Variants in NKIRAS1 observed in about 807,000 individuals in gnomAD.
The protein encoded by NKIRAS1 is NF-kappa-B inhibitor-interacting Ras-like protein 1.
A neutral mutation model predicts 19.8 loss-of-function variants in NKIRAS1; 16 were observed. The ratio of observed to expected loss-of-function variants is 0.81; its 90% CI spans 0.55 to 1.23. NKIRAS1 has a LOEUF of 1.23. Ranked by LOEUF, NKIRAS1 falls within the 50% of genes most tolerant of loss-of-function variation. The pLI, the probability that NKIRAS1 is intolerant of heterozygous loss-of-function variation, is 0.00. For missense variants in NKIRAS1, 184 were observed against 220.0 expected (o/e 0.84, Z 1.04); for synonymous variants, 88 against 79.0 (o/e 1.11, Z -0.61).
At chr3:23,903,173 G>A (rs976506699) in intron 3 of NKIRAS1, among the ~76,000 whole-genome samples, 5 of 152,130 alleles carry the variant, frequency 3.3e-5, no homozygotes, top group African/African-American at 9.7e-5. Flanking sequence ...AAGTTCAGTG[G>A]GACAATCTCA....
chr3:23,940,122 T>C (rs777353952), intron 1 of NKIRAS1, among the ~76,000 whole-genome samples: 6 of 130,410 alleles, frequency 4.6e-5, no homozygotes, highest in Non-Finnish European at 7.7e-5. Flanking sequence ...CTTGAGGCCA[T>C]GAATTCAAGA....
chr3:23,934,852 A>C (rs1046638115), intron 1 of NKIRAS1, among the ~76,000 whole-genome samples: 1 of 102,064 alleles, frequency 9.8e-6, no homozygotes, highest in African/African-American at 3.2e-5. Flanking sequence ...AAACTTACAG[A>C]GAATATCAGA....
In NKIRAS1 at chr3:23,892,323, A is replaced by G. The variant is rs1333918594; in HGVS notation, c.*772T>C. The G allele has an allele frequency of 2.6e-5, 4 of 152,204 alleles. No individual in the cohort carries two copies. The highest frequency in any genetic ancestry group is 4.1e-4 in the South Asian group (2 of 4,830). 9.4% of individuals were successfully genotyped at this position (152,204 alleles called of 1,614,324 possible). A position where few individuals can be genotyped will look rare whatever the true frequency, so the allele number is the denominator to read the frequency against. On this transcript the variant is annotated 3_prime_UTR_variant, in exon 5 of 5. Coordinates refer to ENST00000425478, the MANE Select transcript of NKIRAS1 (RefSeq NM_020345.4). ...TTTTATTGTATATGACTAGTTTTCT[A>G]GAAAACTATTCCAGAAGATACAGTC...
exon 1 of NKIRAS1, chr3:23,946,342 A>T: frequency 1.0e-6 from 1 of 974,222 alleles, no homozygotes; most frequent in Non-Finnish European, 1.2e-6. Context: ...TCCGAGGAGG[A>T]AGTGCAGGAC....
upstream of NKIRAS1, chr3:23,920,656 A>G (rs944876562): frequency 4.9e-5 from 48 of 985,150 alleles, no homozygotes; most frequent in Non-Finnish European, 5.5e-5. Flanking sequence ...TTCTGAACCA[A>G]TTTTCTCCTA....
intron 1 of NKIRAS1, chr3:23,946,021 G>A (rs1435243130): frequency 3.8e-6 from 3 of 798,288 alleles, no homozygotes; most frequent in Non-Finnish European, 4.6e-6. Context: ...AGGGACACGT[G>A]GGGGCGGGGG....
At chr3:23,920,741 T>C (rs987958659), upstream of NKIRAS1, 32 of 979,356 alleles carry the variant, frequency 3.3e-5, no homozygotes, top group Non-Finnish European at 3.6e-5. Context: ...TAAAAGTTCT[T>C]GAGACCTAAA....
chr3:23,918,135 G>A, upstream of NKIRAS1: 1 of 1,402,998 alleles, frequency 7.1e-7, no homozygotes, highest in African/African-American at 1.4e-5. Context: ...TCTTCGCATA[G>A]GGCTTTGGCA....
At chr3:23,912,584 C>T (rs915441273) in intron 1 of NKIRAS1, among the ~76,000 whole-genome samples, 1 of 152,184 alleles carries the variant, frequency 6.6e-6, no homozygotes, top group South Asian at 2.1e-4. Context: ...CACTTTTACA[C>T]TGTTGGTGGG....
chr3:23,919,493 T>C, upstream of NKIRAS1: 1 of 1,566,816 alleles, frequency 6.4e-7, no homozygotes, highest in African/African-American at 1.4e-5. Context: ...GCTCCACCGT[T>C]ACCGCTAATA....
rs1701531966 is a variant in NKIRAS1, at chr3:23,892,350, T to G, written c.*745A>C. On this transcript the variant is annotated 3_prime_UTR_variant, in exon 5 of 5. Coordinates refer to ENST00000425478, the MANE Select transcript of NKIRAS1 (RefSeq NM_020345.4). ...AAAACTATTCCAGAAGATACAGTCT[T>G]CCTTCCAGAAAATACAGCTTTACTG... The G allele has an allele frequency of 6.6e-6, 1 of 152,182 alleles. No homozygotes were observed. Among genetic ancestry groups the G allele is most frequent in the Admixed American group, 6.5e-5 (1 of 15,272 alleles). 9.4% of individuals were successfully genotyped at this position (152,182 alleles called of 1,614,324 possible). A position where few individuals can be genotyped will look rare whatever the true frequency, so the allele number is the denominator to read the frequency against.
intron 4 of NKIRAS1, among the ~76,000 whole-genome samples, chr3:23,897,173 T>G (rs1178171464): frequency 6.6e-6 from 1 of 150,930 alleles, no homozygotes; most frequent in Non-Finnish European, 1.5e-5. Context: ...AGCTCTCAAG[T>G]CTGGGCAACA....
intron 1 of NKIRAS1, chr3:23,923,276 A>G (rs924524548): frequency 6.8e-6 from 1 of 147,954 alleles, no homozygotes; most frequent in South Asian, 2.1e-4. Context: ...GTTGGAGTAC[A>G]GTAACACAAT....
chr3:23,945,488 C>T (rs1310315093), intron 1 of NKIRAS1: 6 of 821,704 alleles, frequency 7.3e-6, no homozygotes, highest in Non-Finnish European at 7.6e-6. Flanking sequence ...CCGCTGCTTC[C>T]AGCCCGGGGC....
intron 1 of NKIRAS1, among the ~76,000 whole-genome samples, chr3:23,925,072 TG>T (rs1705188162): frequency 6.6e-6 from 1 of 152,202 alleles, no homozygotes; most frequent in African/African-American, 2.4e-5. Context: ...GGTTGTCCCA[TG>T]GCTACTCCTG....
chr3:23,928,593 C>T (rs1705250031), intron 1 of NKIRAS1, among the ~76,000 whole-genome samples: 1 of 150,006 alleles, frequency 6.7e-6, no homozygotes, highest in Non-Finnish European at 1.5e-5. Context: ...GATTTGTTTG[C>T]TAGTTTTTCA....
At chr3:23,909,213 A>T (rs1703391084) in intron 3 of NKIRAS1, among the ~76,000 whole-genome samples, 1 of 152,182 alleles carries the variant, frequency 6.6e-6, no homozygotes, top group Non-Finnish European at 1.5e-5. Flanking sequence ...GAGCACATAG[A>T]AATGGTTAAT....
At chr3:23,897,636 C>A (rs1247482842) in intron 4 of NKIRAS1, among the ~76,000 whole-genome samples, 2 of 152,168 alleles carry the variant, frequency 1.3e-5, no homozygotes, top group Non-Finnish European at 2.9e-5. Context: ...GACCTCAGAT[C>A]CTCGGTACTA....
In NKIRAS1 at chr3:23,913,949, C is replaced by G. The variant is rs532018874; in HGVS notation, c.-139-2499G>C. Among the ~76,000 whole-genome samples, 227 of 152,252 alleles carry G rather than the reference C, an allele frequency of 1.5e-3. 1 individual carries two copies. The highest frequency in any genetic ancestry group is 1.7e-3 in the South Asian group (8 of 4,832). On this transcript the variant is annotated intron_variant, in intron 1 of 4. Transcript: ENST00000425478. ...GAATACATCAACACTGAGGTGAACA[C>G]AAAAAGCAGTAGTTACAGCTACTTG... is the stretch of plus-strand genomic sequence containing the variant.
Sources: allele counts gnomAD v4.1 joint callset (sites outside exome capture counted in the v4.1 genomes callset), GRCh38; gene constraint gnomAD v4.1.1; transcripts MANE v1.5; gene names NCBI Gene and HGNC (gene_info 2026-07-23, HGNC 2026-07-21).